Variants in MCTP1 observed in about 807,000 individuals in gnomAD.
MCTP1 encodes multiple C2 and transmembrane domain containing 1.
A neutral mutation model predicts 120.6 loss-of-function variants in MCTP1; 69 were observed. That is an observed-to-expected ratio of 0.57 (90% CI 0.47 to 0.70). The LOEUF (loss-of-function observed/expected upper bound fraction) is 0.70, where lower values mean the gene tolerates loss of function less well. MCTP1 is among the 30% of genes least tolerant of loss of function. The pLI is 0.00. For missense variants in MCTP1, 1,203 were observed against 1,248.8 expected (o/e 0.96, Z 0.55); for synonymous variants, 529 against 493.1 (o/e 1.07, Z -0.96).
At chr5:95,175,353 A>C (rs1747839009) in intron 1 of MCTP1, among the ~76,000 whole-genome samples, 1 of 152,190 alleles carries the variant, frequency 6.6e-6, no homozygotes, top group Non-Finnish European at 1.5e-5. Flanking sequence ...AGGAAATGGC[A>C]CAAGAAGCTT....
intron 18 of MCTP1, among the ~76,000 whole-genome samples, chr5:94,787,990 C>T (rs547300522): frequency 6.6e-6 from 1 of 152,246 alleles, no homozygotes; most frequent in East Asian, 1.9e-4. Flanking sequence ...AATTTAATCC[C>T]AGATCTTCCG....
chr5:95,026,428 C>T (rs547757000), intron 1 of MCTP1, among the ~76,000 whole-genome samples: 26 of 152,184 alleles, frequency 1.7e-4, no homozygotes, highest in Non-Finnish European at 3.4e-4. Context: ...ATTAACCCTC[C>T]GCTCTTCCCC....
intron 19 of MCTP1, among the ~76,000 whole-genome samples, chr5:94,728,369 C>T (rs570674457): frequency 9.9e-5 from 15 of 152,242 alleles, no homozygotes; most frequent in South Asian, 2.1e-4. Flanking sequence ...ATCCACCAAA[C>T]GAGAAATTAG....
chr5:95,253,241 T>C (rs946151272), intron 1 of MCTP1, among the ~76,000 whole-genome samples: 1 of 152,124 alleles, frequency 6.6e-6, no homozygotes, highest in Non-Finnish European at 1.5e-5. Context: ...ATTACCATCC[T>C]TTTTAGAAAC....
intron 1 of MCTP1, among the ~76,000 whole-genome samples, chr5:95,055,349 G>T (rs1329875872): frequency 6.6e-6 from 1 of 151,918 alleles, no homozygotes; most frequent in African/African-American, 2.4e-5. Context: ...TACACATTCA[G>T]CTACCTAAAA....
chr5:95,206,365 A>T (rs559443038), intron 1 of MCTP1, among the ~76,000 whole-genome samples: 1 of 152,280 alleles, frequency 6.6e-6, no homozygotes, highest in East Asian at 1.9e-4. Context: ...ACTGGAGGTA[A>T]TAGAGACTGA....
chr5:95,166,743 A>G (rs1746432995), intron 1 of MCTP1, among the ~76,000 whole-genome samples: 1 of 151,484 alleles, frequency 6.6e-6, no homozygotes, highest in South Asian at 2.1e-4. Context: ...AATTTTTTGT[A>G]TTTTTAGTAG....
intron 2 of MCTP1, among the ~76,000 whole-genome samples, chr5:95,005,492 A>G (rs1834538588): frequency 6.6e-6 from 1 of 152,094 alleles, no homozygotes; most frequent in Non-Finnish European, 1.5e-5. Context: ...GTCAAATTGT[A>G]ATTCCCAGTG....
intron 17 of MCTP1, chr5:94,826,646 GT>G: frequency 1.3e-6 from 1 of 753,642 alleles, no homozygotes; most frequent in Non-Finnish European, 2.3e-6. Context: ...TTTCTTGAGG[GT>G]TTCTGGCACA....
chr5:95,242,768 G>A (rs1482116776), intron 1 of MCTP1, among the ~76,000 whole-genome samples: 1 of 152,080 alleles, frequency 6.6e-6, no homozygotes, highest in African/African-American at 2.4e-5. Context: ...AGATTAAAGG[G>A]GAGCACAAGG....
chr5:94,783,928 T>A (rs1777085612), intron 18 of MCTP1, among the ~76,000 whole-genome samples: 1 of 152,088 alleles, frequency 6.6e-6, no homozygotes, highest in Middle Eastern at 3.2e-3. Flanking sequence ...TGTGTTTACT[T>A]CTTTTCCTTG....
chr5:95,101,538 T>C (rs1292662311), intron 1 of MCTP1, among the ~76,000 whole-genome samples: 1 of 152,210 alleles, frequency 6.6e-6, no homozygotes, highest in Non-Finnish European at 1.5e-5. Context: ...GTGTGAGTGA[T>C]TCACTGCCTG....
chr5:94,778,036 C>A lies in MCTP1; in HGVS notation c.2610+1074G>T, dbSNP rs568937666. 2.0e-5 allele frequency among the ~76,000 whole-genome samples: 3 copies of A among 151,956 alleles called. 1 individual carries two copies. The South Asian group carries it at 6.2e-4, about 32-fold the overall frequency. ...AATCACTGAATTTTTTGACATTTCT[C>A]GTGTATGCTTTCAACACACAAATTA... On this transcript the variant is annotated intron_variant, in intron 19 of 22. Coordinates refer to ENST00000515393, the MANE Select transcript of MCTP1 (RefSeq NM_024717.7).
intron 19 of MCTP1, among the ~76,000 whole-genome samples, chr5:94,766,866 C>G (rs1027123096): frequency 1.3e-5 from 2 of 152,124 alleles, no homozygotes; most frequent in Non-Finnish European, 2.9e-5. Context: ...TTATAAAGAA[C>G]TAACAATTCT....
intron 19 of MCTP1, among the ~76,000 whole-genome samples, chr5:94,731,781 CAGAT>C (rs1464221862): frequency 6.6e-6 from 1 of 152,194 alleles, no homozygotes; most frequent in African/African-American, 2.4e-5. Flanking sequence ...TGCAGACAGA[CAGAT>C]AGCTGGGGAA....
chr5:95,024,037 C>T (rs1463969225), intron 1 of MCTP1: 1 of 433,584 alleles, frequency 2.3e-6, no homozygotes, highest in African/African-American at 2.0e-5. Context: ...ATATTTTGTC[C>T]TAATCTACGG....
intron 1 of MCTP1, among the ~76,000 whole-genome samples, chr5:95,069,653 T>A (rs897762744): frequency 5.9e-5 from 9 of 152,046 alleles, no homozygotes; most frequent in Non-Finnish European, 1.3e-4. Flanking sequence ...CTCACAGGGA[T>A]GTCAAGTTGG....
chr5:94,932,779 G>C (rs1423041801), intron 5 of MCTP1, among the ~76,000 whole-genome samples: 5 of 151,846 alleles, frequency 3.3e-5, no homozygotes, highest in Non-Finnish European at 5.9e-5. Flanking sequence ...TATGTTTAAG[G>C]CAGATGAAGT....
chr5:95,267,255 A>AT (rs1242868236), intron 1 of MCTP1, among the ~76,000 whole-genome samples: 3 of 152,170 alleles, frequency 2.0e-5, no homozygotes, highest in Non-Finnish European at 4.4e-5. Context: ...AAAGTTTTTC[A>AT]TTTTTTTCCC....
Sources: gnomAD v4.1 joint callset for allele counts (sites outside exome capture counted in the v4.1 genomes callset) on GRCh38, gnomAD v4.1.1 for gene constraint, MANE v1.5 for transcripts, NCBI Gene and HGNC (gene_info 2026-07-23, HGNC 2026-07-21) for gene names.